The following ASPH variants were observed in gnomAD, a reference collection of about 807,000 sequenced individuals.
ASPH encodes the protein aspartyl/asparaginyl beta-hydroxylase.
Under a neutral mutation model 118.4 loss-of-function variants are expected in ASPH, and 100 were observed. The observed-to-expected ratio is 0.84, with a 90% CI of 0.72 to 1.00. The LOEUF (loss-of-function observed/expected upper bound fraction) is 1.00, where lower values mean the gene tolerates loss of function less well. Ranked by LOEUF, ASPH falls within the 50% of genes least tolerant of loss-of-function variation. ASPH has a pLI of 0.00. For missense variants in ASPH, 920 were observed against 919.5 expected (o/e 1.00, Z -0.01); for synonymous variants, 315 against 325.6 (o/e 0.97, Z 0.35).
At chr8:61,548,479 T>C (rs1373295271) in intron 20 of ASPH, among the ~76,000 whole-genome samples, 5 of 152,168 alleles carry the variant, frequency 3.3e-5, no homozygotes, top group African/African-American at 1.2e-4. Context: ...CCCTACACAT[T>C]TTGGTCTCCC....
chr8:61,619,073 C>G (rs1849998330), intron 13 of ASPH, 54 bp from the exon 14 acceptor site: 6 of 1,264,710 alleles, frequency 4.7e-6, no homozygotes, highest in Non-Finnish European at 6.8e-6. Context: ...CATTCAGTAT[C>G]TCAAAATATA....
intron 22 of ASPH, among the ~76,000 whole-genome samples, chr8:61,525,377 C>G (rs1478462769): frequency 6.6e-6 from 1 of 151,910 alleles, no homozygotes; most frequent in African/African-American, 2.4e-5. Context: ...CACATACACA[C>G]ACGCTGGAGC....
intron 3 of ASPH, among the ~76,000 whole-genome samples, chr8:61,676,637 A>G (rs1412360747): frequency 6.6e-6 from 1 of 152,146 alleles, no homozygotes; most frequent in Non-Finnish European, 1.5e-5. Flanking sequence ...TAATGGAAAA[A>G]TCAGTTGACA....
rs575915818 is a variant in ASPH, at chr8:61,543,233, T to G, written c.1764+4838A>C. Among the ~76,000 whole-genome samples the G allele has an allele frequency of 6.6e-5, 10 of 152,248 alleles. No homozygotes were observed. In the South Asian group the frequency reaches 2.1e-3, roughly 32 times the overall value. ...ACAGTCCTTCTGCCACCTCTCTTTCTTCCCCTGAGGATTCCATTATGCATA... is the reference window on the plus strand; with the variant it reads ...ACAGTCCTTCTGCCACCTCTCTTTCGTCCCCTGAGGATTCCATTATGCATA... On this transcript the variant is annotated intron_variant, in intron 21 of 24. Coordinates refer to ENST00000379454, the MANE Select transcript of ASPH (RefSeq NM_004318.4).
intron 22 of ASPH, among the ~76,000 whole-genome samples, chr8:61,522,792 T>C (rs1325199548): frequency 6.6e-6 from 1 of 152,212 alleles, no homozygotes. Flanking sequence ...TGTTTCTTCA[T>C]AGCAGTGTGA....
intron 15 of ASPH, chr8:61,583,213 A>T (rs1838137206): frequency 6.6e-6 from 1 of 151,668 alleles, no homozygotes; most frequent in Non-Finnish European, 1.5e-5. Context: ...AAGGAGCTAT[A>T]AAATTAAAAA....
At chr8:61,588,432 G>A (rs1280581712) in intron 14 of ASPH, among the ~76,000 whole-genome samples, 1 of 152,222 alleles carries the variant, frequency 6.6e-6, no homozygotes, top group East Asian at 1.9e-4. Context: ...CATGGAAGAT[G>A]TTTTTATACT....
rs1452225977 is a variant in ASPH at position 61,562,755 on chromosome 8, C to A, written c.1426G>T (p.Val476Phe). The A allele has an allele frequency of 2.5e-6, 4 of 1,606,376 alleles. No homozygotes were observed. Among genetic ancestry groups the A allele is most frequent in the Non-Finnish European group, 3.4e-6 (4 of 1,177,516 alleles). ...AGATTGATGCTTACCTCTTCATAAA[C>A]TTTCTTTGCATTGTCATTATCTCCT... Reference protein sequence around the residue: ...LIGDNDNAKKVYEEVLSVTPN... With the variant: ...LIGDNDNAKKFYEEVLSVTPN... The change falls in exon 18 of 25, where the codon GTT becomes TTT. Residue 476 changes from valine to phenylalanine, a missense_variant. Coordinates refer to ENST00000379454, the MANE Select transcript of ASPH (RefSeq NM_004318.4).
intron 5 of ASPH, among the ~76,000 whole-genome samples, chr8:61,649,012 G>C (rs1032728777): frequency 6.6e-6 from 1 of 152,220 alleles, no homozygotes; most frequent in African/African-American, 2.4e-5. Context: ...AGCTGGGCTA[G>C]AGAAAAGTCA....
At chr8:61,567,424 G>T in intron 16 of ASPH, 106 bp from the exon 17 acceptor site, 2 of 1,234,728 alleles carry the variant, frequency 1.6e-6, no homozygotes, top group Non-Finnish European at 2.2e-6. Flanking sequence ...TAAAAGAAAT[G>T]TAAGACACGT....
chr8:61,614,783 C>T (rs944755080), intron 14 of ASPH, among the ~76,000 whole-genome samples: 2 of 152,124 alleles, frequency 1.3e-5, no homozygotes, highest in African/African-American at 4.8e-5. Flanking sequence ...AGCCACTGTG[C>T]CTGGCCATAG....
chr8:61,506,682 T>C (rs762540100), intron 24 of ASPH, among the ~76,000 whole-genome samples: 4 of 152,116 alleles, frequency 2.6e-5, no homozygotes, highest in Admixed American at 6.5e-5. Context: ...ATCGGCATAA[T>C]TGATGTGAGG....
rs556894506 is a variant in ASPH at position 61,685,043 on chromosome 8, A to C, written c.104-855T>G. Among the ~76,000 whole-genome samples, 30 of 152,284 alleles carry C rather than the reference A, an allele frequency of 2.0e-4. No homozygotes were observed. The East Asian group carries it at 5.0e-3, about 26-fold the overall frequency. On this transcript the variant is annotated intron_variant, in intron 1 of 24. Coordinates refer to ENST00000379454, the MANE Select transcript of ASPH (RefSeq NM_004318.4). ...AAAAGTTTATCAAACAGATGATGGA[A>C]GGCCAGGGCGGTGTCTCCCATTTGT...
intron 3 of ASPH, among the ~76,000 whole-genome samples, chr8:61,678,182 C>A (rs976477665): frequency 2.0e-5 from 3 of 152,086 alleles, no homozygotes; most frequent in African/African-American, 7.2e-5. Context: ...TGATACGATG[C>A]CAGCTAGGTG....
chr8:61,584,627 CTTT>C (rs879538138), intron 14 of ASPH, among the ~76,000 whole-genome samples: 76,078 of 135,904 alleles, frequency 0.56, 22,198 homozygotes, highest in Non-Finnish European at 0.68. Flanking sequence ...TTCTTTCTTT[CTTT>C]CCTTCTTTCT....
chr8:61,535,724 T>G (rs1185194160), intron 21 of ASPH, among the ~76,000 whole-genome samples: 1 of 152,254 alleles, frequency 6.6e-6, no homozygotes, highest in Non-Finnish European at 1.5e-5. Context: ...TTTTAAGAGA[T>G]AAAATCAGCT....
At position 61,567,245 on chromosome 8, in the gene ASPH, A is replaced by C; in HGVS notation, c.1223T>G (p.Val408Gly). 1 of 1,613,606 alleles carries C rather than the reference A, an allele frequency of 6.2e-7. No homozygotes were observed. The highest frequency in any genetic ancestry group is 8.5e-7 in the Non-Finnish European group (1 of 1,179,838). The stretch of plus-strand genomic sequence containing the variant: ...TGCAGGGACATCAGGTAGGCTGGCC[A>C]CCTCTTGGTAGGTCTCGATGGCTCC... ...LRGAIETYQE[V>G]ASLPDVPADL... The change falls in exon 17 of 25, where the codon GTG becomes GGG. Residue 408 changes from valine to glycine, a missense_variant. Coordinates refer to ENST00000379454, the MANE Select transcript of ASPH (RefSeq NM_004318.4).
chr8:61,585,191 GC>G (rs1305919319), intron 14 of ASPH, among the ~76,000 whole-genome samples: 1 of 152,170 alleles, frequency 6.6e-6, no homozygotes, highest in Non-Finnish European at 1.5e-5. Flanking sequence ...GCAAACAGGA[GC>G]CCTCCTCCCG....
At chr8:61,650,070 C>T (rs1194667579) in intron 5 of ASPH, among the ~76,000 whole-genome samples, 6 of 151,956 alleles carry the variant, frequency 3.9e-5, no homozygotes, top group African/African-American at 1.2e-4. Flanking sequence ...AAGAGCTTCC[C>T]ATATTTTATT....
Sources: allele counts gnomAD v4.1 joint callset (sites outside exome capture counted in the v4.1 genomes callset), GRCh38; gene constraint gnomAD v4.1.1; transcripts MANE v1.5; gene names NCBI Gene and HGNC (gene_info 2026-07-23, HGNC 2026-07-21).